Variants in PACSIN2 observed in about 807,000 individuals in gnomAD.
PACSIN2 encodes the protein protein kinase C and casein kinase substrate in neurons 2.
A neutral mutation model predicts 63.8 loss-of-function variants in PACSIN2; 25 were observed. The observed-to-expected ratio is 0.39, with a 90% CI of 0.29 to 0.55. The LOEUF (loss-of-function observed/expected upper bound fraction) is 0.55. PACSIN2 is among the 20% of genes least tolerant of loss of function. The probability of loss-of-function intolerance (pLI) is 0.62; values close to 1 mark genes in which losing one functional copy is unlikely to be tolerated. For synonymous variants in PACSIN2, 255 were observed against 256.2 expected (o/e 1.00, Z 0.05); for missense variants, 518 against 646.9 (o/e 0.80, Z 2.16).
At chr22:42,874,436 A>G (rs1928424410) in intron 10 of PACSIN2, among the ~76,000 whole-genome samples, 1 of 152,210 alleles carries the variant, frequency 6.6e-6, no homozygotes. Context: ...GCTGTTTTAT[A>G]AAACTATGGT....
intron 9 of PACSIN2, 21 bp from the exon 10 acceptor site, chr22:42,876,354 C>T (rs892113184): frequency 6.2e-7 from 1 of 1,608,902 alleles, no homozygotes; most frequent in Non-Finnish European, 8.5e-7. Flanking sequence ...GGGGAGGCCA[C>T]AGGGCCCTCA....
intron 2 of PACSIN2, among the ~76,000 whole-genome samples, chr22:42,899,656 G>A (rs1930537058): frequency 6.6e-6 from 1 of 152,208 alleles, no homozygotes; most frequent in Non-Finnish European, 1.5e-5. Context: ...AAGCATGCAA[G>A]TGCCCTACGA....
chr22:43,013,295 T>C (rs1924623583), intron 1 of PACSIN2, among the ~76,000 whole-genome samples: 2 of 152,226 alleles, frequency 1.3e-5, no homozygotes, highest in African/African-American at 4.8e-5. Flanking sequence ...GTAATAAATA[T>C]CACCAGCCTA....
At position 42,902,033 on chromosome 22, in the gene PACSIN2, C is replaced by T. The variant is rs1020283987; in HGVS notation, c.61-8420G>A. Among the ~76,000 whole-genome samples the T allele has an allele frequency of 6.6e-5, 10 of 152,364 alleles. No individual in the cohort carries two copies. In the East Asian group the frequency reaches 1.9e-3, roughly 29 times the overall value. The stretch of plus-strand genomic sequence containing the variant: ...CCATTTCTGAGCGTCTGGCAACACT[C>T]TCTTGCCACTGAGAGGTATTTAAGG... On this transcript the variant is annotated intron_variant, in intron 2 of 10. Coordinates refer to ENST00000263246, the MANE Select transcript of PACSIN2 (RefSeq NM_001184970.3).
At chr22:42,962,554 A>G (rs1422247854) in intron 1 of PACSIN2, among the ~76,000 whole-genome samples, 2 of 128,354 alleles carry the variant, frequency 1.6e-5, no homozygotes, top group Non-Finnish European at 3.2e-5. Context: ...AAGAGGCCCA[A>G]GGCAGAACTG....
At chr22:42,961,231 A>G (rs753764411) in intron 1 of PACSIN2, among the ~76,000 whole-genome samples, 5 of 152,276 alleles carry the variant, frequency 3.3e-5, no homozygotes, top group Non-Finnish European at 7.3e-5. Context: ...AGTTAAAAAC[A>G]GCCATCTAGT....
At chr22:42,901,025 T>C (rs1029717943) in intron 2 of PACSIN2, among the ~76,000 whole-genome samples, 1 of 152,166 alleles carries the variant, frequency 6.6e-6, no homozygotes, top group African/African-American at 2.4e-5. Flanking sequence ...CCCCACCATA[T>C]GCCAACAAAG....
chr22:42,991,591 T>C (rs1441438483), intron 1 of PACSIN2, among the ~76,000 whole-genome samples: 2 of 152,196 alleles, frequency 1.3e-5, no homozygotes, highest in East Asian at 3.8e-4. Flanking sequence ...TTCCCAGCCC[T>C]ATCCAATGAT....
chr22:42,973,708 A>G (rs1257916110), intron 1 of PACSIN2, among the ~76,000 whole-genome samples: 1 of 152,094 alleles, frequency 6.6e-6, no homozygotes, highest in Non-Finnish European at 1.5e-5. Flanking sequence ...CTCCCCTGTA[A>G]CTGACACAGA....
At chr22:42,958,089 C>G (rs571718690) in intron 1 of PACSIN2, among the ~76,000 whole-genome samples, 2 of 150,248 alleles carry the variant, frequency 1.3e-5, no homozygotes, top group Non-Finnish European at 3.0e-5. Flanking sequence ...ACGGACTCAT[C>G]AGTAGAAAAA....
chr22:42,974,392 T>C (rs938814143), intron 1 of PACSIN2, among the ~76,000 whole-genome samples: 6 of 152,116 alleles, frequency 3.9e-5, no homozygotes, highest in African/African-American at 1.4e-4. Context: ...CCTTTGCCAA[T>C]GATTTCCATT....
At chr22:42,973,043 A>G (rs1921439994) in intron 1 of PACSIN2, among the ~76,000 whole-genome samples, 1 of 152,222 alleles carries the variant, frequency 6.6e-6, no homozygotes, top group Non-Finnish European at 1.5e-5. Flanking sequence ...TCAATACGGA[A>G]GTAAGAACTT....
intron 1 of PACSIN2, among the ~76,000 whole-genome samples, chr22:42,937,115 G>A (rs1188965755): frequency 1.3e-5 from 2 of 152,164 alleles, no homozygotes; most frequent in Non-Finnish European, 2.9e-5. Context: ...TGCCCTCATG[G>A]GTCTGTGTTC....
intron 2 of PACSIN2, among the ~76,000 whole-genome samples, chr22:42,904,219 G>T (rs1930901616): frequency 6.6e-6 from 1 of 152,198 alleles, no homozygotes; most frequent in South Asian, 2.1e-4. Context: ...TGCTCCCTTG[G>T]TGCGTGTTAC....
At chr22:42,939,506 A>G (rs969225001) in intron 1 of PACSIN2, among the ~76,000 whole-genome samples, 1 of 152,208 alleles carries the variant, frequency 6.6e-6, no homozygotes, top group Non-Finnish European at 1.5e-5. Context: ...ACTGAACCAG[A>G]ACGATGCAAC....
At chr22:42,951,932 C>T (rs899946358) in intron 1 of PACSIN2, among the ~76,000 whole-genome samples, 3 of 152,184 alleles carry the variant, frequency 2.0e-5, no homozygotes, top group Non-Finnish European at 4.4e-5. Context: ...TACCTTTGCA[C>T]CTGCCTCCCC....
At chr22:42,980,091 GAAAC>G (rs1359488141) in intron 1 of PACSIN2, among the ~76,000 whole-genome samples, 4 of 151,180 alleles carry the variant, frequency 2.6e-5, no homozygotes, top group Non-Finnish European at 5.9e-5. Context: ...AAGAAAGAAA[GAAAC>G]AATCTGCTAA....
At chr22:43,012,881 C>T (rs564504784) in intron 1 of PACSIN2, among the ~76,000 whole-genome samples, 23 of 152,180 alleles carry the variant, frequency 1.5e-4, no homozygotes, top group African/African-American at 4.1e-4. Context: ...CTCGAACTCC[C>T]GACCTCTGGT....
rs577054694 is a variant in PACSIN2 at position 42,985,273 on chromosome 22, G to A, written c.-78+29748C>T. Among the ~76,000 whole-genome samples the A allele has an allele frequency of 2.0e-5, 3 of 152,338 alleles. No individual in the cohort carries two copies. In the South Asian group the frequency reaches 6.2e-4, roughly 32 times the overall value. On this transcript the variant is annotated intron_variant, in intron 1 of 10. Coordinates refer to ENST00000263246, the MANE Select transcript of PACSIN2 (RefSeq NM_001184970.3). ...ACCCAGGAGGCAGAGGTTGCAGTGA[G>A]CCGAGATCTCATCACCGCACTCCAG...
Sources: allele counts gnomAD v4.1 joint callset (sites outside exome capture counted in the v4.1 genomes callset), GRCh38; gene constraint gnomAD v4.1.1; transcripts MANE v1.5; gene names NCBI Gene and HGNC (gene_info 2026-07-23, HGNC 2026-07-21).